PSTPIP2: variants seen among roughly 807,000 people sequenced by gnomAD.
PSTPIP2 encodes the protein proline-serine-threonine phosphatase interacting protein 2.
In PSTPIP2, 33 loss-of-function variants were observed where a neutral mutation model predicts 63.3. That is an observed-to-expected ratio of 0.52 (90% CI 0.40 to 0.70). The LOEUF (loss-of-function observed/expected upper bound fraction) is 0.70. PSTPIP2 is among the 30% of genes least tolerant of loss of function. The probability of loss-of-function intolerance (pLI) is 0.00; values close to 1 mark genes in which losing one functional copy is unlikely to be tolerated. For missense variants in PSTPIP2, 312 were observed against 400.7 expected (o/e 0.78, Z 1.89); for synonymous variants, 125 against 132.7 (o/e 0.94, Z 0.40).
chr18:45,988,609 T>C, intron 14 of PSTPIP2, 93 bp downstream of exon 14: 1 of 1,108,856 alleles, frequency 9.0e-7, no homozygotes, highest in East Asian at 2.4e-5. Context: ...CCTTGCTAGT[T>C]TGTGGTAGTG....
chr18:46,001,658 T>A (rs1014053635), intron 6 of PSTPIP2, among the ~76,000 whole-genome samples: 1 of 152,200 alleles, frequency 6.6e-6, no homozygotes, highest in Admixed American at 6.5e-5. Context: ...TCTATGCCCG[T>A]TAAACAATAA....
chr18:45,988,657 C>A, intron 14 of PSTPIP2, 45 bp downstream of exon 14: 8 of 1,467,692 alleles, frequency 5.5e-6, no homozygotes, highest in Non-Finnish European at 7.6e-6. Flanking sequence ...AGCACAATTA[C>A]CAGTCTACAC....
rs533938680 is a variant in PSTPIP2 at position 46,005,577 on chromosome 18, T to C, written c.355-46A>G. The C allele has an allele frequency of 2.9e-6, 4 of 1,375,808 alleles. No individual in the cohort carries two copies. The East Asian group carries it at 7.3e-5, about 25-fold the overall frequency. 85.2% of individuals were successfully genotyped at this position (1,375,808 alleles called of 1,614,324 possible). ...CTCTTAATAAAAACACAAATCATTA[T>C]TAATAAAAACAGAAATCATTATCAA... On this transcript the variant is annotated intron_variant, in intron 5 of 14. Coordinates refer to ENST00000409746, the MANE Select transcript of PSTPIP2 (RefSeq NM_024430.4).
At chr18:46,015,996 T>C in intron 3 of PSTPIP2, 59 bp from the exon 4 acceptor site, 5 of 1,554,464 alleles carry the variant, frequency 3.2e-6, no homozygotes, top group Non-Finnish European at 4.4e-6. Flanking sequence ...ACAATCTTAT[T>C]ATAATGCCTT....
At chr18:46,035,787 A>T (rs1458844541) in intron 2 of PSTPIP2, among the ~76,000 whole-genome samples, 1 of 152,200 alleles carries the variant, frequency 6.6e-6, no homozygotes, top group Non-Finnish European at 1.5e-5. Context: ...CAGCCCCTGG[A>T]GCCATTCTGG....
intron 1 of PSTPIP2, among the ~76,000 whole-genome samples, chr18:46,056,159 T>C (rs1306565149): frequency 6.6e-6 from 1 of 152,238 alleles, no homozygotes; most frequent in Non-Finnish European, 1.5e-5. Flanking sequence ...TCGCTTCTTA[T>C]GTCCAGGTGG....
chr18:46,045,840 C>T (rs1908365157), intron 1 of PSTPIP2, among the ~76,000 whole-genome samples: 1 of 152,192 alleles, frequency 6.6e-6, no homozygotes. Context: ...CCCAGCTCCT[C>T]AGGAGGCTGA....
At chr18:46,027,365 T>C (rs1263814305) in intron 2 of PSTPIP2, among the ~76,000 whole-genome samples, 1 of 151,252 alleles carries the variant, frequency 6.6e-6, no homozygotes, top group African/African-American at 2.4e-5. Context: ...AAATTTTTTT[T>C]AAAGAATAAG....
chr18:46,061,408 G>A (rs1209262315), intron 1 of PSTPIP2, among the ~76,000 whole-genome samples: 1 of 152,150 alleles, frequency 6.6e-6, no homozygotes, highest in Non-Finnish European at 1.5e-5. Context: ...ATGAGATGGA[G>A]ATTCGGAGGA....
chr18:45,985,517 G>C, intron 14 of PSTPIP2, 67 bp from the exon 15 acceptor site: 1 of 1,534,474 alleles, frequency 6.5e-7, no homozygotes, highest in South Asian at 1.1e-5. Flanking sequence ...CTCCTACCTT[G>C]AGAGTATATT....
chr18:45,988,045 T>G lies in PSTPIP2; in HGVS notation c.*8+657A>C, dbSNP rs182696629. On this transcript the variant is annotated intron_variant, in intron 14 of 14. Coordinates refer to ENST00000409746, the MANE Select transcript of PSTPIP2 (RefSeq NM_024430.4). Reference sequence around the variant, plus strand: ...GATGGTGGGAGAGTAAGCTAAAATCTAAATTACTTTAACAGTGAGGATGAT... The same window carrying G: ...GATGGTGGGAGAGTAAGCTAAAATCGAAATTACTTTAACAGTGAGGATGAT... Among the ~76,000 whole-genome samples the G allele has an allele frequency of 1.6e-3, 251 of 152,336 alleles. 1 individual carries two copies. The highest frequency in any genetic ancestry group is 5.8e-3 in the African/African-American group (242 of 41,576).
chr18:46,041,532 G>A (rs1908195050), intron 1 of PSTPIP2, among the ~76,000 whole-genome samples: 1 of 152,136 alleles, frequency 6.6e-6, no homozygotes, highest in African/African-American at 2.4e-5. Context: ...GAGCCACCAT[G>A]CCTGGCCAAA....
rs745565482 is a variant in PSTPIP2 at position 46,015,883 on chromosome 18, T to C, written c.247+20A>G. The stretch of plus-strand genomic sequence containing the variant: ...TTGTCAAGGGCAGTGAATACATTTT[T>C]TAAAAAAAAAATCACTTACGCTGCT... On this transcript the variant is annotated intron_variant, in intron 4 of 14. Transcript: ENST00000409746. 2 of 1,588,000 alleles carry C rather than the reference T, an allele frequency of 1.3e-6. No homozygotes were observed. Among genetic ancestry groups the C allele is most frequent in the African/African-American group, 1.6e-5 (1 of 60,838 alleles).
intron 1 of PSTPIP2, among the ~76,000 whole-genome samples, chr18:46,068,489 G>A (rs1222660342): frequency 6.6e-6 from 1 of 151,706 alleles, no homozygotes; most frequent in African/African-American, 2.4e-5. Context: ...TAGTAGAGAC[G>A]GGGTTTCACT....
chr18:45,999,517 C>T lies in PSTPIP2; in HGVS notation c.435G>A (p.Glu145=), dbSNP rs140392548. ...CCTCATCTTTGTCCCGGCATTTCTG[C>T]TCATAGTTCTTCTTTGCCTTTGTCA... ...KKTMDAKKNY[E]QKCRDKDEAE... The change falls in exon 7 of 15, where the codon GAG becomes GAA. Residue 145 remains glutamate, a synonymous_variant. Coordinates refer to ENST00000409746, the MANE Select transcript of PSTPIP2 (RefSeq NM_024430.4). The T allele has an allele frequency of 1.2e-5, 19 of 1,614,090 alleles. No individual in the cohort carries two copies. The highest frequency in any genetic ancestry group is 1.4e-5 in the Non-Finnish European group (17 of 1,180,048).
intron 5 of PSTPIP2, among the ~76,000 whole-genome samples, chr18:46,009,362 TAA>T (rs749693553): frequency 4.3e-5 from 2 of 46,818 alleles, no homozygotes; most frequent in African/African-American, 1.0e-4. Flanking sequence ...TTTTATGGTG[TAA>T]AAAAAAAAAA....
intron 1 of PSTPIP2, among the ~76,000 whole-genome samples, chr18:46,040,817 A>G (rs949370971): frequency 6.6e-6 from 1 of 152,174 alleles, no homozygotes; most frequent in Non-Finnish European, 1.5e-5. Flanking sequence ...TGACAGACAA[A>G]TCACAGGCAC....
At chr18:46,021,848 C>CAAAAAA (rs59094808) in intron 3 of PSTPIP2, among the ~76,000 whole-genome samples, 30 of 33,280 alleles carry the variant, frequency 9.0e-4, no homozygotes, top group African/African-American at 1.4e-3. Flanking sequence ...GACTCTGTCT[C>CAAAAAA]AAAAAAAAAA....
intron 3 of PSTPIP2, among the ~76,000 whole-genome samples, chr18:46,023,576 T>A (rs1471577479): frequency 6.6e-6 from 1 of 152,096 alleles, no homozygotes; most frequent in African/African-American, 2.4e-5. Flanking sequence ...AAAAGTTTTT[T>A]TAAAATGGTG....
Sources: allele counts gnomAD v4.1 joint callset (sites outside exome capture counted in the v4.1 genomes callset), GRCh38; gene constraint gnomAD v4.1.1; transcripts MANE v1.5; gene names NCBI Gene and HGNC (gene_info 2026-07-23, HGNC 2026-07-21).